Variants in CDH4 observed in about 807,000 individuals in gnomAD.
The protein encoded by CDH4 is cadherin-4.
A neutral mutation model predicts 86.0 loss-of-function variants in CDH4; 33 were observed. That is an observed-to-expected ratio of 0.38 (90% confidence interval 0.29 to 0.51). CDH4 has a LOEUF of 0.51. Ranked by LOEUF, CDH4 falls within the 20% of genes least tolerant of loss-of-function variation. The pLI, the probability that CDH4 is intolerant of heterozygous loss-of-function variation, is 0.86. For synonymous variants in CDH4, 555 were observed against 549.4 expected, an observed-to-expected ratio of 1.01 and a Z score of -0.14; for missense variants, 1,114 against 1,307.4, an observed-to-expected ratio of 0.85 and a Z score of 2.28.
intron 2 of CDH4, among the ~76,000 whole-genome samples, chr20:61,609,464 G>GT (rs1404793379): frequency 6.6e-6 from 1 of 152,142 alleles, no homozygotes; most frequent in Non-Finnish European, 1.5e-5. Flanking sequence ...GTGTGTGTTT[G>GT]TTTATAGAGT....
At chr20:61,843,521 T>G (rs67693644) in intron 4 of CDH4, among the ~76,000 whole-genome samples, 63,784 of 148,096 alleles carry the variant, frequency 0.43, 15,521 homozygotes, top group Non-Finnish European at 0.56. Context: ...GTGAGACCTT[T>G]TCTGCACAAA....
At chr20:61,877,995 C>T (rs1021910464) in intron 7 of CDH4, among the ~76,000 whole-genome samples, 3 of 152,126 alleles carry the variant, frequency 2.0e-5, no homozygotes, top group Admixed American at 6.5e-5. Context: ...CCAGGAACCA[C>T]GGGGGCCCCA....
intron 4 of CDH4, among the ~76,000 whole-genome samples, chr20:61,838,822 T>TAA (rs11412264): frequency 0.034 from 4,247 of 123,288 alleles, 121 homozygotes; most frequent in African/African-American, 0.08. Context: ...AGACCCTGTC[T>TAA]AAAAAAAAAA....
At chr20:61,266,433 G>T (rs1453244806) in intron 2 of CDH4, among the ~76,000 whole-genome samples, 1 of 151,894 alleles carries the variant, frequency 6.6e-6, no homozygotes, top group Non-Finnish European at 1.5e-5. Context: ...GAGAAATGTT[G>T]ACATTTTTTG....
At chr20:61,908,313 C>T (rs569589331) in intron 8 of CDH4, among the ~76,000 whole-genome samples, 1 of 152,316 alleles carries the variant, frequency 6.6e-6, no homozygotes, top group African/African-American at 2.4e-5. Context: ...TATATGAAGG[C>T]TATCACTCAT....
At position 61,292,405 on chromosome 20, in the gene CDH4, T is replaced by C. The variant is rs186881390; in HGVS notation, c.169+37468T>C. Among the ~76,000 whole-genome samples, 3 of 152,372 alleles carry C rather than the reference T, an allele frequency of 2.0e-5. No homozygotes were observed. The East Asian group carries it at 5.8e-4, about 29-fold the overall frequency. ...AGTCCTTTTTGAGTGGGCACTGCTCTTTTTATTAGTATGATTTTTCTTCCA... is the reference window on the plus strand; with the variant it reads ...AGTCCTTTTTGAGTGGGCACTGCTCCTTTTATTAGTATGATTTTTCTTCCA... On this transcript the variant is annotated intron_variant, in intron 2 of 15. Transcript: ENST00000614565.
intron 2 of CDH4, among the ~76,000 whole-genome samples, chr20:61,567,752 C>T (rs958345601): frequency 1.5e-4 from 23 of 152,092 alleles, no homozygotes; most frequent in Non-Finnish European, 2.6e-4. Context: ...GAGACTAAAA[C>T]GGGAGGATTG....
intron 2 of CDH4, among the ~76,000 whole-genome samples, chr20:61,470,678 T>C (rs1170812683): frequency 3.9e-5 from 6 of 152,164 alleles, no homozygotes; most frequent in Admixed American, 3.3e-4. Flanking sequence ...GAGTCTGTCA[T>C]ATATGGCTTT....
intron 2 of CDH4, among the ~76,000 whole-genome samples, chr20:61,564,479 C>G (rs1397454725): frequency 6.6e-6 from 1 of 152,118 alleles, no homozygotes; most frequent in African/African-American, 2.4e-5. Flanking sequence ...CACGGGAGAG[C>G]TGGTCGTTTA....
intron 2 of CDH4, among the ~76,000 whole-genome samples, chr20:61,696,034 T>A (rs950932400): frequency 5.9e-5 from 9 of 152,230 alleles, no homozygotes; most frequent in African/African-American, 1.9e-4. Flanking sequence ...GGGCTGCACC[T>A]CCTAGCCTAC....
At chr20:61,901,576 T>A (rs894728011) in intron 8 of CDH4, among the ~76,000 whole-genome samples, 13 of 152,360 alleles carry the variant, frequency 8.5e-5, no homozygotes, top group Admixed American at 7.8e-4. Flanking sequence ...CAGTGATGGA[T>A]CCGCTGAGCT....
At chr20:61,519,927 C>T (rs2085856711) in intron 2 of CDH4, among the ~76,000 whole-genome samples, 1 of 152,188 alleles carries the variant, frequency 6.6e-6, no homozygotes, top group African/African-American at 2.4e-5. Context: ...TGCCCGCCGA[C>T]TCTGCCCACC....
At chr20:61,387,816 G>A (rs78533789) in intron 2 of CDH4, among the ~76,000 whole-genome samples, 8,027 of 152,164 alleles carry the variant, frequency 0.053, 349 homozygotes, top group East Asian at 0.15. Flanking sequence ...GCACCGGCCC[G>A]TGGCCCTGCC....
At position 61,326,542 on chromosome 20, in the gene CDH4, A is replaced by T. The variant is rs532263839; in HGVS notation, c.169+71605A>T. Among the ~76,000 whole-genome samples the T allele has an allele frequency of 5.9e-5, 9 of 152,308 alleles. No individual in the cohort carries two copies. In the South Asian group the frequency reaches 1.9e-3, roughly 32 times the overall value. On this transcript the variant is annotated intron_variant, in intron 2 of 15. Coordinates refer to ENST00000614565, the MANE Select transcript of CDH4 (RefSeq NM_001794.5). ...ATAACCAGTTAAAAAATATTCAGTA[A>T]AAGAAAATCAAACTAGCCTTAAAAT...
At position 61,572,043 on chromosome 20, in the gene CDH4, G is replaced by A. The variant is rs189164367; in HGVS notation, c.170-171520G>A. On this transcript the variant is annotated intron_variant, in intron 2 of 15. Coordinates refer to ENST00000614565, the MANE Select transcript of CDH4 (RefSeq NM_001794.5). ...CTGCCTTAGAGCCCAGGCCCTTCCC[G>A]CGTGAGTGAGACAGAAGCAGCCAGC... Among the ~76,000 whole-genome samples the A allele has an allele frequency of 2.0e-4, 31 of 152,160 alleles. No homozygotes were observed. The East Asian group carries it at 5.4e-3, about 27-fold the overall frequency.
intron 8 of CDH4, among the ~76,000 whole-genome samples, chr20:61,899,064 A>G (rs7268375): frequency 0.052 from 7,898 of 152,222 alleles, 495 homozygotes; most frequent in African/African-American, 0.15. Flanking sequence ...TGGGAGGCCA[A>G]GGTGGGTGGA....
At chr20:61,844,217 C>T (rs1360785327) in intron 4 of CDH4, among the ~76,000 whole-genome samples, 4 of 152,124 alleles carry the variant, frequency 2.6e-5, no homozygotes, top group Admixed American at 6.6e-5. Context: ...ACTTGGGACC[C>T]GGATAACCAT....
chr20:61,586,062 G>A (rs1447460785), intron 2 of CDH4, among the ~76,000 whole-genome samples: 1 of 151,390 alleles, frequency 6.6e-6, no homozygotes, highest in Non-Finnish European at 1.5e-5. Context: ...GATGGTGATG[G>A]TGGTGATGGG....
rs749215862 is a variant in CDH4 at position 61,873,735 on chromosome 20, C to T, written c.885C>T (p.Tyr295=). ...CTGCTGTCTCCGTTCCAGGCACCTACGTGATGACCGTCACGGCCAACGATG... is the reference window on the plus strand; with the variant it reads ...CTGCTGTCTCCGTTCCAGGCACCTATGTGATGACCGTCACGGCCAACGATG... The part of the protein sequence containing the change: ...SVDEGSKPGT[Y]VMTVTANDAD... The change falls in exon 7 of 16, where the codon TAC becomes TAT. Residue 295 remains tyrosine, a synonymous_variant. Transcript: ENST00000614565. 28 of 1,612,992 alleles carry T rather than the reference C, an allele frequency of 1.7e-5. No individual in the cohort carries two copies. The highest frequency in any genetic ancestry group is 6.7e-5 in the East Asian group (3 of 44,896).
Sources: gnomAD v4.1 joint callset for allele counts (sites outside exome capture counted in the v4.1 genomes callset) on GRCh38, gnomAD v4.1.1 for gene constraint, MANE v1.5 for transcripts, NCBI Gene and HGNC (gene_info 2026-07-23, HGNC 2026-07-21) for gene names.